Variants in RBMS1 observed in about 807,000 individuals in gnomAD.
The protein encoded by RBMS1 is RNA binding motif single stranded interacting protein 1, also known as RNA-binding motif, single-stranded-interacting protein 1.
In RBMS1, 17 loss-of-function variants were observed where a neutral mutation model predicts 62.3. The observed-to-expected ratio is 0.27, with a 90% confidence interval of 0.19 to 0.41. The LOEUF (loss-of-function observed/expected upper bound fraction) is 0.41, where lower values mean the gene tolerates loss of function less well. RBMS1 is among the 10% of genes least tolerant of loss of function. RBMS1 has a pLI of 1.00. For missense variants in RBMS1, 334 were observed against 504.5 expected (o/e 0.66, Z 3.24); for synonymous variants, 172 against 170.0 (o/e 1.01, Z -0.09).
intron 1 of RBMS1, among the ~76,000 whole-genome samples, chr2:160,425,270 T>C (rs1212482314): frequency 6.6e-6 from 1 of 152,238 alleles, no homozygotes; most frequent in African/African-American, 2.4e-5. Flanking sequence ...TGAATCCTTT[T>C]TAACCTAAAG....
At chr2:160,391,124 C>T (rs531010625) in intron 1 of RBMS1, among the ~76,000 whole-genome samples, 12 of 150,744 alleles carry the variant, frequency 8.0e-5, no homozygotes, top group South Asian at 2.1e-4. Context: ...TCCTAACCCC[C>T]GGTACCTTGG....
chr2:160,401,934 GT>G (rs1354148486), intron 1 of RBMS1: 2 of 152,230 alleles, frequency 1.3e-5, no homozygotes, highest in African/African-American at 4.8e-5. Context: ...AAAAAATGTG[GT>G]TGAGAATTTC....
Position 160,274,249 on chromosome 2 carries a change from C to T in RBMS1, c.*523G>A, listed in dbSNP as rs1233609338. 6.6e-6 allele frequency: 1 copy of T among 152,464 alleles called. No homozygotes were observed. Among genetic ancestry groups the T allele is most frequent in the Admixed American group, 6.5e-5 (1 of 15,276 alleles). 9.4% of individuals were successfully genotyped at this position (152,464 alleles called of 1,614,324 possible). On this transcript the variant is annotated 3_prime_UTR_variant, in exon 14 of 14. Transcript: ENST00000348849. Reference sequence around the variant, plus strand: ...AAGCTAAGAAAAGAGACACTGACGGCAACACTGAATTACAGCAACACTCGC... The same window carrying T: ...AAGCTAAGAAAAGAGACACTGACGGTAACACTGAATTACAGCAACACTCGC...
intron 4 of RBMS1, among the ~76,000 whole-genome samples, chr2:160,311,195 C>CAA (rs1343318731): frequency 5.1e-4 from 22 of 42,982 alleles, no homozygotes; most frequent in South Asian, 1.6e-3. Context: ...ACCCTGTCTC[C>CAA]AAAAAAAAAA....
intron 2 of RBMS1, 165 bp downstream of exon 2, chr2:160,367,050 CA>C: frequency 1.8e-6 from 1 of 555,346 alleles, no homozygotes; most frequent in Non-Finnish European, 2.9e-6. Flanking sequence ...AATATTGACT[CA>C]AAAAGTATTT....
chr2:160,485,322 A>G lies in RBMS1; in HGVS notation c.75+7967T>C, dbSNP rs77867433. 3.3e-5 allele frequency among the ~76,000 whole-genome samples: 5 copies of G among 152,320 alleles called. No individual in the cohort carries two copies. The East Asian group carries it at 9.6e-4, about 29-fold the overall frequency. ...GCCATAAAAGGGCAAAGCCTTGTTG[A>G]AAGATTGTAGAAGAACCCTGTCTTC... On this transcript the variant is annotated intron_variant, in intron 1 of 13. Coordinates refer to ENST00000348849, the MANE Select transcript of RBMS1 (RefSeq NM_016836.4).
chr2:160,407,964 C>T, intron 1 of RBMS1: 1 of 970,076 alleles, frequency 1.0e-6, no homozygotes, highest in Non-Finnish European at 1.2e-6. Flanking sequence ...GCGCCCAGGC[C>T]CACCCGCGCC....
At chr2:160,393,245 C>T (rs987095566) in intron 1 of RBMS1, among the ~76,000 whole-genome samples, 5 of 152,156 alleles carry the variant, frequency 3.3e-5, no homozygotes, top group South Asian at 2.1e-4. Context: ...TGTAGCATGT[C>T]AGCTGCAAAT....
chr2:160,468,960 G>A (rs1684807264), intron 1 of RBMS1, among the ~76,000 whole-genome samples: 4 of 152,104 alleles, frequency 2.6e-5, no homozygotes, highest in African/African-American at 9.7e-5. Context: ...CCCAGCCCCA[G>A]AGGACCCTTC....
chr2:160,442,498 T>C (rs751184959), intron 1 of RBMS1, among the ~76,000 whole-genome samples: 20 of 152,242 alleles, frequency 1.3e-4, no homozygotes, highest in Non-Finnish European at 2.4e-4. Flanking sequence ...TTCTGCTGCA[T>C]TCAACATTCT....
chr2:160,340,473 CCT>C (rs1449421450), intron 2 of RBMS1, among the ~76,000 whole-genome samples: 4 of 151,946 alleles, frequency 2.6e-5, no homozygotes, highest in Non-Finnish European at 4.4e-5. Flanking sequence ...CGCTAGCATA[CCT>C]CAGGGTACAT....
intron 1 of RBMS1, chr2:160,407,343 C>T: frequency 1.0e-6 from 1 of 985,542 alleles, no homozygotes. Flanking sequence ...CGGCCGCCTT[C>T]CTGGGAAACA....
At chr2:160,355,227 TAAAC>T (rs1692732455) in intron 2 of RBMS1, among the ~76,000 whole-genome samples, 2 of 152,218 alleles carry the variant, frequency 1.3e-5, no homozygotes, top group African/African-American at 4.8e-5. Flanking sequence ...CAGTGAGTAA[TAAAC>T]AAACAGAACA....
intron 6 of RBMS1, among the ~76,000 whole-genome samples, chr2:160,297,247 A>G (rs894333358): frequency 6.6e-6 from 1 of 152,130 alleles, no homozygotes; most frequent in African/African-American, 2.4e-5. Flanking sequence ...CTTTTTCCCC[A>G]TTTTAACAAT....
chr2:160,491,050 C>CTT (rs60306775), intron 1 of RBMS1, among the ~76,000 whole-genome samples: 9 of 145,762 alleles, frequency 6.2e-5, no homozygotes, highest in East Asian at 6.0e-4. Flanking sequence ...AAATCAAAGT[C>CTT]TTTTTTTTTT....
intron 1 of RBMS1, among the ~76,000 whole-genome samples, chr2:160,438,862 G>C (rs376288845): frequency 6.6e-6 from 1 of 151,344 alleles, no homozygotes; most frequent in African/African-American, 2.4e-5. Flanking sequence ...CTCACCTCCC[G>C]GACAGGGCGG....
chr2:160,378,167 C>T (rs892715396), intron 1 of RBMS1, among the ~76,000 whole-genome samples: 4 of 151,704 alleles, frequency 2.6e-5, no homozygotes, highest in Admixed American at 1.3e-4. Flanking sequence ...GGAAACACAC[C>T]TATGAAATTG....
chr2:160,426,875 A>G (rs1475051161), intron 1 of RBMS1, among the ~76,000 whole-genome samples: 1 of 152,180 alleles, frequency 6.6e-6, no homozygotes, highest in Non-Finnish European at 1.5e-5. Context: ...GAATGTAAGA[A>G]GACATTATAA....
rs368982549 is a variant in RBMS1, at chr2:160,471,691, GTATATA to G, written c.75+21592_75+21597del. 1.7e-4 allele frequency among the ~76,000 whole-genome samples: 11 copies of G among 65,944 alleles called. 1 individual carries two copies. Among genetic ancestry groups the G allele is most frequent in the East Asian group, 1.0e-3 (3 of 2,906 alleles). 43.3% of individuals were successfully genotyped at this position (65,944 alleles called of 152,430 possible). A position where few individuals can be genotyped will look rare whatever the true frequency, so the allele number is the denominator to read the frequency against. ...AATCATGTTTGGGAAATCCTTTGGT[GTATATA>G]TATATATATATATATATATAACCTT... On this transcript the variant is annotated intron_variant, in intron 1 of 13. Transcript: ENST00000348849.
Sources: allele counts gnomAD v4.1 joint callset (sites outside exome capture counted in the v4.1 genomes callset), GRCh38; gene constraint gnomAD v4.1.1; transcripts MANE v1.5; gene names NCBI Gene and HGNC (gene_info 2026-07-23, HGNC 2026-07-21).